CCNY: variants seen among roughly 807,000 people sequenced by gnomAD.
CCNY encodes cyclin Y.
In CCNY, 19 loss-of-function variants were observed where a neutral mutation model predicts 42.8. The observed-to-expected ratio is 0.44, with a 90% CI of 0.31 to 0.65. The LOEUF is 0.65. CCNY is among the 30% of genes least tolerant of loss of function. The pLI is 0.07. For missense variants in CCNY, 370 were observed against 437.3 expected (o/e 0.85, Z 1.37); for synonymous variants, 165 against 162.7 (o/e 1.01, Z -0.11).
chr10:35,354,360 AT>A (rs1167851037), intron 1 of CCNY, among the ~76,000 whole-genome samples: 1 of 151,756 alleles, frequency 6.6e-6, no homozygotes, highest in Non-Finnish European at 1.5e-5. Flanking sequence ...TAATTTTTGT[AT>A]TTTTGGTAGA....
At chr10:35,364,987 A>G (rs1000407688) in intron 1 of CCNY, among the ~76,000 whole-genome samples, 2 of 152,330 alleles carry the variant, frequency 1.3e-5, no homozygotes, top group African/African-American at 4.8e-5. Flanking sequence ...GGCATGTTTA[A>G]CTATCAGTAG....
intron 8 of CCNY, among the ~76,000 whole-genome samples, chr10:35,555,711 A>G (rs1370938834): frequency 2.0e-5 from 3 of 152,192 alleles, no homozygotes; most frequent in Admixed American, 2.0e-4. Flanking sequence ...TTTAATACTT[A>G]ATTTAAAAAA....
intron 1 of CCNY, among the ~76,000 whole-genome samples, chr10:35,410,418 C>G (rs1039351213): frequency 6.6e-6 from 1 of 152,018 alleles, no homozygotes; most frequent in African/African-American, 2.4e-5. Context: ...TATGATGAAC[C>G]AGACGCTAAG....
chr10:35,557,620 G>A (rs1441700731), intron 8 of CCNY, among the ~76,000 whole-genome samples: 2 of 152,130 alleles, frequency 1.3e-5, no homozygotes, highest in African/African-American at 4.8e-5. Flanking sequence ...GCTGGTACTG[G>A]TGGCGCTCAC....
At chr10:35,424,218 TTTTTC>T (rs370155417) in intron 1 of CCNY, among the ~76,000 whole-genome samples, 9 of 152,116 alleles carry the variant, frequency 5.9e-5, no homozygotes, top group Non-Finnish European at 1.0e-4. Flanking sequence ...CTCAAATGTT[TTTTTC>T]TTTTCTTTTC....
At chr10:35,264,318 T>C (rs2095722725) in intron 3 of CCNY, among the ~76,000 whole-genome samples, 1 of 152,218 alleles carries the variant, frequency 6.6e-6, no homozygotes, top group Non-Finnish European at 1.5e-5. Context: ...ACATGTGCCA[T>C]GTTGGTGTGC....
Position 35,349,108 on chromosome 10 carries a change from G to A in CCNY, c.154+11901G>A, listed in dbSNP as rs1338125099. Reference sequence around the variant, plus strand: ...TATCAGCGGGTTCCACAGGGTGGACGGTGGGACTTGAGCGTGCTTGGGTTT... The same window carrying A: ...TATCAGCGGGTTCCACAGGGTGGACAGTGGGACTTGAGCGTGCTTGGGTTT... On this transcript the variant is annotated intron_variant, in intron 1 of 9. Transcript: ENST00000374704. Among the ~76,000 whole-genome samples, 4 of 152,168 alleles carry A rather than the reference G, an allele frequency of 2.6e-5. No homozygotes were observed. In the East Asian group the frequency reaches 5.8e-4, roughly 22 times the overall value.
chr10:35,506,132 A>G (rs1840208901), intron 3 of CCNY, among the ~76,000 whole-genome samples: 1 of 152,250 alleles, frequency 6.6e-6, no homozygotes, highest in South Asian at 2.1e-4. Context: ...CTGTGTTAGC[A>G]TCAATGCCAT....
chr10:35,526,097 C>G, intron 5 of CCNY, 98 bp downstream of exon 5: 3 of 1,021,360 alleles, frequency 2.9e-6, no homozygotes, highest in Non-Finnish European at 4.4e-6. Flanking sequence ...TTGAATTATA[C>G]TTTCTTAACT....
chr10:35,347,392 C>G (rs1836329456), intron 1 of CCNY: 2 of 968,898 alleles, frequency 2.1e-6, no homozygotes, highest in African/African-American at 1.8e-5. Context: ...CAAGTCACTT[C>G]TATTTTGGAT....
intron 1 of CCNY, among the ~76,000 whole-genome samples, chr10:35,477,464 G>A (rs1162784949): frequency 2.0e-5 from 3 of 151,168 alleles, no homozygotes; most frequent in Non-Finnish European, 4.4e-5. Flanking sequence ...TCATCCCTGG[G>A]ATGCAAGGCT....
rs1160261705 is a variant in CCNY, at chr10:35,303,797, AAAAG to A, written c.-9+53173_-9+53176del. Among the ~76,000 whole-genome samples the A allele has an allele frequency of 3.8e-4, 57 of 150,882 alleles. No individual in the cohort carries two copies. The South Asian group carries it at 9.7e-3, about 26-fold the overall frequency. ...CGTCTCAAAAAAAAAAAAAAAAAAAAAAAGAGGGAAGGAAGGAAGGAAGGAAAGA... is the reference window on the plus strand; with the variant it reads ...CGTCTCAAAAAAAAAAAAAAAAAAAAAGGGAAGGAAGGAAGGAAGGAAAGA... On this transcript the variant is annotated intron_variant, in intron 3 of 11. Transcript: ENST00000374706.
intron 3 of CCNY, among the ~76,000 whole-genome samples, chr10:35,281,538 A>T (rs1354617412): frequency 2.0e-5 from 3 of 151,948 alleles, no homozygotes; most frequent in Admixed American, 2.0e-4. Context: ...TCCTGACCTC[A>T]TGATCCACCT....
intron 1 of CCNY, among the ~76,000 whole-genome samples, chr10:35,421,621 C>G (rs151179723): frequency 1.1e-4 from 17 of 152,240 alleles, no homozygotes; most frequent in African/African-American, 4.1e-4. Flanking sequence ...GGCTTTTGTC[C>G]GTGTTGCCTG....
intron 1 of CCNY, among the ~76,000 whole-genome samples, chr10:35,443,994 G>C (rs982472779): frequency 6.6e-6 from 1 of 152,220 alleles, no homozygotes; most frequent in Non-Finnish European, 1.5e-5. Flanking sequence ...AAATGACCCT[G>C]TCTCTTTTGT....
chr10:35,396,436 G>A (rs373306923), intron 1 of CCNY, among the ~76,000 whole-genome samples: 1 of 152,332 alleles, frequency 6.6e-6, no homozygotes, highest in South Asian at 2.1e-4. Flanking sequence ...GCCAGCCTGA[G>A]TATCTGCAGG....
At chr10:35,267,776 G>A (rs1413511757) in intron 3 of CCNY, among the ~76,000 whole-genome samples, 1 of 152,148 alleles carries the variant, frequency 6.6e-6, no homozygotes, top group East Asian at 1.9e-4. Flanking sequence ...CTTGAGTTGT[G>A]CAATGTCGGG....
At position 35,560,534 on chromosome 10, in the gene CCNY, AC is replaced by A. The variant is rs370594820; in HGVS notation, c.747-5487del. ...GCTACGGAGAGCAGCCTCAGGAGATACCAGTCTGCTGACAGCTTGGACTTAC... is the reference window on the plus strand; with the variant it reads ...GCTACGGAGAGCAGCCTCAGGAGATACAGTCTGCTGACAGCTTGGACTTAC... On this transcript the variant is annotated intron_variant, in intron 8 of 9. Coordinates refer to ENST00000374704, the MANE Select transcript of CCNY (RefSeq NM_145012.6). Among the ~76,000 whole-genome samples, 83 of 152,290 alleles carry A rather than the reference AC, an allele frequency of 5.5e-4. No individual in the cohort carries two copies. The East Asian group carries it at 0.014, about 26-fold the overall frequency.
At chr10:35,406,405 C>G (rs2135238699) in intron 1 of CCNY, among the ~76,000 whole-genome samples, 1 of 151,956 alleles carries the variant, frequency 6.6e-6, no homozygotes, top group East Asian at 1.9e-4. Flanking sequence ...TCCCTGGGCA[C>G]TTGAGACTAG....
Sources: allele counts gnomAD v4.1 joint callset (sites outside exome capture counted in the v4.1 genomes callset), GRCh38; gene constraint gnomAD v4.1.1; transcripts MANE v1.5; gene names NCBI Gene and HGNC (gene_info 2026-07-23, HGNC 2026-07-21).